BRME1: variants seen among roughly 807,000 people sequenced by gnomAD.
BRME1 encodes BRCA2 and MEILB2-associating protein 1.
A neutral mutation model predicts 52.6 loss-of-function variants in BRME1; 31 were observed. That is an observed-to-expected ratio of 0.59 (90% confidence interval 0.44 to 0.80). The LOEUF is 0.80. BRME1 is among the 30% of genes least tolerant of loss of function. BRME1 has a pLI of 0.00. For missense variants in BRME1, 804 were observed against 860.3 expected, an observed-to-expected ratio of 0.93 and a Z score of 0.82; for synonymous variants, 359 against 353.6, an observed-to-expected ratio of 1.02 and a Z score of -0.17.
At chr19:13,893,025 C>T (rs994514768) in intron 4 of BRME1, 117 bp downstream of exon 4, 3 of 1,351,294 alleles carry the variant, frequency 2.2e-6, no homozygotes, top group Non-Finnish European at 3.1e-6. Flanking sequence ...GGCACATTCC[C>T]TCCAGCCCCT....
intron 2 of BRME1, among the ~76,000 whole-genome samples, chr19:13,898,024 G>A (rs1042274613): frequency 7.4e-5 from 11 of 149,348 alleles, no homozygotes; most frequent in African/African-American, 1.7e-4. Flanking sequence ...GCTTGAATCC[G>A]GGGGGCTGAG....
In BRME1 at chr19:13,895,671, T is replaced by C. The variant is rs562220250; in HGVS notation, c.32-125A>G. 14 of 799,670 alleles carry C rather than the reference T, an allele frequency of 1.8e-5. No homozygotes were observed. In the East Asian group the frequency reaches 3.2e-4, roughly 18 times the overall value. The allele number at this position is 799,670 out of a possible 1,614,324, so 49.5% of individuals were successfully genotyped here. A position where few individuals can be genotyped will look rare whatever the true frequency, so the allele number is the denominator to read the frequency against. The stretch of plus-strand genomic sequence containing the variant: ...AAGGGGCCGAATCCATTTCACTCTC[T>C]GCGGGGTCCCAAGTGCCTGTAAGAG... On this transcript the variant is annotated intron_variant, in intron 2 of 8. Transcript: ENST00000586783.
rs151138494 is a variant in BRME1 at position 13,882,943 on chromosome 19, G to A, written c.1866C>T (p.Ile622=). The A allele has an allele frequency of 1.9e-5, 31 of 1,612,712 alleles. No homozygotes were observed. Among genetic ancestry groups the A allele is most frequent in the Non-Finnish European group, 2.5e-5 (30 of 1,179,810 alleles). The change falls in exon 9 of 9, where the codon ATC becomes ATT. Residue 622 remains isoleucine, a synonymous_variant. Transcript: ENST00000586783. ...CTTCCAGGTCCCGGTGGGTGCCCATGATCAGCCGGCTGTGGGGGAAACACA... is the reference window on the plus strand; with the variant it reads ...CTTCCAGGTCCCGGTGGGTGCCCATAATCAGCCGGCTGTGGGGGAAACACA... ...IVELSNLNRL[I]MGTHRDLEAF... is the part of the protein sequence containing the mutation.
chr19:13,889,474 A>G lies in BRME1; in HGVS notation c.1382T>C (p.Leu461Ser). The G allele has an allele frequency of 6.2e-7, 1 of 1,613,888 alleles. No individual in the cohort carries two copies. The highest frequency in any genetic ancestry group is 8.5e-7 in the Non-Finnish European group (1 of 1,180,004). The change falls in exon 6 of 9, where the codon TTA becomes TCA. Residue 461 changes from leucine to serine, a missense_variant. Leu to Ser is a moderately radical substitution (Grantham distance 145, BLOSUM62 -2). This residue lies in a region of BRME1 where 552 missense variants were observed against 561.1 expected (regional missense o/e 0.98). Coordinates refer to ENST00000586783, the MANE Select transcript of BRME1 (RefSeq NM_001345843.2). ...GTCTCGTTCGAGGTTCTGGCCACCT[A>G]ACTCGGCTTCCTCTTGAGCAGGACC... ...EPGPAQEEAE[L>S]GGQNLERDLE...
chr19:13,893,003 C>T, intron 4 of BRME1, 113 bp from the exon 5 acceptor site: 1 of 1,363,206 alleles, frequency 7.3e-7, no homozygotes, highest in Non-Finnish European at 1.0e-6. Flanking sequence ...AGAACTCCAC[C>T]CTTGCCCTCT....
intron 2 of BRME1, among the ~76,000 whole-genome samples, chr19:13,896,567 C>T (rs1276030015): frequency 2.0e-5 from 3 of 146,690 alleles, no homozygotes; most frequent in Admixed American, 6.9e-5. Flanking sequence ...GGCCACGCCA[C>T]CTCAGGATTC....
Position 13,904,379 on chromosome 19 carries a change from T to C in BRME1, c.31+483A>G, listed in dbSNP as rs12327707. 4.3e-3 allele frequency among the ~76,000 whole-genome samples: 652 copies of C among 152,228 alleles called. 4 individuals carry two copies. The highest frequency in any genetic ancestry group is 0.015 in the African/African-American group (621 of 41,546). On this transcript the variant is annotated intron_variant, in intron 2 of 8. Transcript: ENST00000586783. ...ACCTCGGCCTCCCAAAGTGCTAGGA[T>C]TACAGGCGTGAGCCACCACACCGGC...
chr19:13,892,882 G>C lies in BRME1; in HGVS notation c.297C>G (p.Phe99Leu). The change falls in exon 5 of 9, where the codon TTC becomes TTG. Residue 99 changes from phenylalanine to leucine, a missense_variant. This residue lies in a region of BRME1 where 234 missense variants were observed against 258.1 expected (regional missense o/e 0.91). Transcript: ENST00000586783. Reference sequence around the variant, plus strand: ...TTGCAAACTGGGGAACAAACCTCCCGAATGAGTTCTGTAAACCGGATACAA... The same window carrying C: ...TTGCAAACTGGGGAACAAACCTCCCCAATGAGTTCTGTAAACCGGATACAA... ...PAPLPPSQNS[F>L]GRFVPQFAKS... is the part of the protein sequence containing the mutation. 1 of 1,612,918 alleles carries C rather than the reference G, an allele frequency of 6.2e-7. No individual in the cohort carries two copies. Among genetic ancestry groups the C allele is most frequent in the Non-Finnish European group, 8.5e-7 (1 of 1,178,894 alleles).
Position 13,890,098 on chromosome 19 carries a change from T to C in BRME1, c.758A>G (p.Gln253Arg), listed in dbSNP as rs144892455. Residue 253 changes from glutamine to arginine, a missense_variant, in exon 6 of 9, where the codon CAG (glutamine) becomes CGG (arginine). Gln to Arg is a conservative substitution (Grantham distance 43). This residue lies in a region of BRME1 where 552 missense variants were observed against 561.1 expected (regional missense o/e 0.98). Coordinates refer to ENST00000586783, the MANE Select transcript of BRME1 (RefSeq NM_001345843.2). ...EGEKPDRGAP[Q>R]EGGAQRTAGA... is the part of the protein sequence containing the mutation. ...TGCTGTCCTTTGGGCCCCTCCCTCC[T>C]GGGGGGCTCCTCTGTCTGGCTTCTC... The C allele has an allele frequency of 5.1e-4, 822 of 1,614,012 alleles. 4 individuals carry two copies. The African/African-American group carries it at 9.8e-3, about 19-fold the overall frequency.
intron 2 of BRME1, among the ~76,000 whole-genome samples, chr19:13,896,420 GATATATTA>G (rs955715915): frequency 6.9e-6 from 1 of 143,968 alleles, no homozygotes; most frequent in African/African-American, 2.5e-5. Flanking sequence ...ATATATTTAT[GATATATTA>G]ATATATTATA....
intron 6 of BRME1, among the ~76,000 whole-genome samples, chr19:13,887,412 T>C (rs1194506288): frequency 6.6e-6 from 1 of 152,190 alleles, no homozygotes; most frequent in Admixed American, 6.5e-5. Context: ...CTGCTAATGC[T>C]GGTCGGGTTT....
chr19:13,889,281 C>G lies in BRME1; in HGVS notation c.1575G>C (p.Trp525Cys). The G allele has an allele frequency of 6.2e-7, 1 of 1,614,126 alleles. No homozygotes were observed. The highest frequency in any genetic ancestry group is 8.5e-7 in the Non-Finnish European group (1 of 1,180,032). ...CGAGTTCCACAGCTAAAGAGTCTGCCCAGGTGCCCTGGTCTGCAGAATGAG... is the reference window on the plus strand; with the variant it reads ...CGAGTTCCACAGCTAAAGAGTCTGCGCAGGTGCCCTGGTCTGCAGAATGAG... ...HLPHSADQGT[W>C]ADSLAVELDF... Residue 525 changes from tryptophan (W) to cysteine (C), a missense_variant, in exon 6 of 9, where the codon TGG (tryptophan) becomes TGC (cysteine). Around this residue, in one of 3 missense-constraint regions of BRME1, gnomAD observed 552 missense variants for 561.1 expected, o/e 0.98. Coordinates refer to ENST00000586783, the MANE Select transcript of BRME1 (RefSeq NM_001345843.2).
At chr19:13,886,143 G>C in intron 6 of BRME1, 88 bp from the exon 7 acceptor site, 1 of 1,137,434 alleles carries the variant, frequency 8.8e-7, no homozygotes. Context: ...TGATGCTTTT[G>C]GCTTCACCGC....
At chr19:13,902,313 T>A (rs1410451418) in intron 2 of BRME1, among the ~76,000 whole-genome samples, 1 of 152,070 alleles carries the variant, frequency 6.6e-6, no homozygotes, top group Non-Finnish European at 1.5e-5. Context: ...CACTCCAGTC[T>A]GGGCAACAGA....
At chr19:13,898,268 C>CATTT (rs1193630681) in intron 2 of BRME1, among the ~76,000 whole-genome samples, 1 of 152,114 alleles carries the variant, frequency 6.6e-6, no homozygotes, top group Admixed American at 6.6e-5. Context: ...AATACTTGAG[C>CATTT]ATTTACTGAA....
Position 13,883,057 on chromosome 19 carries a change from C to T in BRME1, c.1857-105G>A, listed in dbSNP as rs1968755300. The T allele has an allele frequency of 8.6e-6, 12 of 1,391,120 alleles. No individual in the cohort carries two copies. The highest frequency in any genetic ancestry group is 1.2e-5 in the Non-Finnish European group (12 of 1,015,670). The allele number at this position is 1,391,120 out of a possible 1,614,324, so 86.2% of individuals were successfully genotyped here. On this transcript the variant is annotated intron_variant, in intron 8 of 8. Coordinates refer to ENST00000586783, the MANE Select transcript of BRME1 (RefSeq NM_001345843.2). The surrounding 1 kb of genome is among the most constrained non-coding windows in gnomAD (Gnocchi z 4.2). ...GTCACCAATGACTCAGGTGCACACA[C>T]ACGGCTCACACACGTGCACATAACC...
Position 13,892,021 on chromosome 19 carries a change from C to T in BRME1, c.393+765G>A, listed in dbSNP as rs1458493340. Among the ~76,000 whole-genome samples, 7 of 149,846 alleles carry T rather than the reference C, an allele frequency of 4.7e-5. No homozygotes were observed. In the East Asian group the frequency reaches 1.0e-3, roughly 21 times the overall value. On this transcript the variant is annotated intron_variant, in intron 5 of 8. Coordinates refer to ENST00000586783, the MANE Select transcript of BRME1 (RefSeq NM_001345843.2). ...CCAGGAGGTGGAGGCTGCAGTGAGC[C>T]GAGATCACACCACTGCACTCCAACC...
rs772996823 is a variant in BRME1, at chr19:13,889,816, G to C, written c.1040C>G (p.Thr347Ser). ...VVIADLSTDP[T>S]ELEERALEVA... ...CTCCAGAGCCCTCTCTTCCAGCTCA[G>C]TGGGGTCTGTGCTCAGGTCTGCGAT... Residue 347 changes from threonine to serine, a missense_variant, in exon 6 of 9, where the codon ACT (threonine) becomes AGT (serine). Physicochemically the swap from Thr to Ser is moderately conservative, Grantham distance 58 (BLOSUM62 1). Around this residue, in one of 3 missense-constraint regions of BRME1, gnomAD observed 552 missense variants for 561.1 expected, o/e 0.98. Coordinates refer to ENST00000586783, the MANE Select transcript of BRME1 (RefSeq NM_001345843.2). 12 of 1,612,998 alleles carry C rather than the reference G, an allele frequency of 7.4e-6. No homozygotes were observed. Among genetic ancestry groups the C allele is most frequent in the Non-Finnish European group, 1.0e-5 (12 of 1,179,958 alleles).
In BRME1 at chr19:13,904,816, A is replaced by T. The variant is rs760193941; in HGVS notation, c.31+46T>A. The T allele has an allele frequency of 2.5e-6, 4 of 1,600,116 alleles. No individual in the cohort carries two copies. The African/African-American group carries it at 5.4e-5, about 21-fold the overall frequency. ...CAATAAACAAGCCCACATTCTTCCCACAAGCAGAAGCAGAAATCAACAAGT... is the reference window on the plus strand; with the variant it reads ...CAATAAACAAGCCCACATTCTTCCCTCAAGCAGAAGCAGAAATCAACAAGT... On this transcript the variant is annotated intron_variant, in intron 2 of 8. Transcript: ENST00000586783.
Sources: allele counts gnomAD v4.1 joint callset (sites outside exome capture counted in the v4.1 genomes callset), GRCh38; gene constraint gnomAD v4.1.1; regional missense constraint gnomAD v4.1.1; non-coding constraint Gnocchi (gnomAD v3.1); transcripts MANE v1.5; gene names NCBI Gene and HGNC (gene_info 2026-07-23, HGNC 2026-07-21).